DPP10: variants seen among roughly 807,000 people sequenced by gnomAD.
DPP10 encodes the protein dipeptidyl peptidase like 10, also known as inactive dipeptidyl peptidase 10.
Under a neutral mutation model 120.9 loss-of-function variants are expected in DPP10, and 33 were observed. That is an observed-to-expected ratio of 0.27 (90% CI 0.21 to 0.37). DPP10 has a LOEUF of 0.37. DPP10 is among the 10% of genes least tolerant of loss of function. The probability of loss-of-function intolerance (pLI) is 1.00; values close to 1 mark genes in which losing one functional copy is unlikely to be tolerated. For synonymous variants in DPP10, 337 were observed against 326.1 expected, an observed-to-expected ratio of 1.03 and a Z score of -0.36; for missense variants, 816 against 942.8, an observed-to-expected ratio of 0.87 and a Z score of 1.76.
At chr2:114,882,666 C>T (rs1012241561) in intron 1 of DPP10, among the ~76,000 whole-genome samples, 1 of 151,812 alleles carries the variant, frequency 6.6e-6, no homozygotes, top group Admixed American at 6.6e-5. Flanking sequence ...ACCCCTGTAC[C>T]CCAAAAACAA....
chr2:114,588,389 T>G (rs1385328217), intron 1 of DPP10, among the ~76,000 whole-genome samples: 1 of 152,228 alleles, frequency 6.6e-6, no homozygotes, highest in Non-Finnish European at 1.5e-5. Context: ...TTTATTGGCA[T>G]AAGGAGAGGC....
At chr2:115,706,991 G>T (rs761582750) in intron 7 of DPP10, among the ~76,000 whole-genome samples, 1 of 151,836 alleles carries the variant, frequency 6.6e-6, no homozygotes. Flanking sequence ...AATAAAAAAA[G>T]ACAGTACAAT....
At chr2:115,415,349 A>G (rs114308431) in intron 3 of DPP10, among the ~76,000 whole-genome samples, 1,756 of 152,298 alleles carry the variant, frequency 0.012, 35 homozygotes, top group African/African-American at 0.041. Flanking sequence ...CAGACCAGAC[A>G]TTTCCACTCA....
intron 1 of DPP10, among the ~76,000 whole-genome samples, chr2:114,494,852 T>A (rs1453157968): frequency 6.6e-6 from 1 of 152,154 alleles, no homozygotes; most frequent in Non-Finnish European, 1.5e-5. Context: ...AGTGATAGAA[T>A]GGGCCAGGGT....
At chr2:115,719,314 G>A (rs926752504) in intron 7 of DPP10, among the ~76,000 whole-genome samples, 1 of 152,276 alleles carries the variant, frequency 6.6e-6, no homozygotes, top group African/African-American at 2.4e-5. Flanking sequence ...TGCTGCAAAG[G>A]TTTTAAGAAA....
intron 1 of DPP10, among the ~76,000 whole-genome samples, chr2:114,822,492 C>A (rs948661982): frequency 6.6e-6 from 1 of 152,142 alleles, no homozygotes; most frequent in African/African-American, 2.4e-5. Flanking sequence ...TCCCCGTTGT[C>A]TTGGTGATTA....
intron 1 of DPP10, among the ~76,000 whole-genome samples, chr2:114,864,921 A>G (rs1045639866): frequency 1.3e-5 from 2 of 152,196 alleles, no homozygotes; most frequent in Admixed American, 1.3e-4. Flanking sequence ...AATCCTAATA[A>G]TAACGTAAAA....
intron 3 of DPP10, among the ~76,000 whole-genome samples, chr2:115,389,591 A>G (rs138871141): frequency 1.3e-5 from 2 of 152,274 alleles, no homozygotes; most frequent in African/African-American, 4.8e-5. Context: ...TATGAAGTCA[A>G]GTGTGTTTGT....
At chr2:114,809,288 A>T (rs1165352042) in intron 1 of DPP10, among the ~76,000 whole-genome samples, 2 of 152,158 alleles carry the variant, frequency 1.3e-5, no homozygotes, top group African/African-American at 2.4e-5. Flanking sequence ...ACTCCTCTGT[A>T]AGAAGGCCAT....
At chr2:114,892,505 T>C (rs2106633800) in intron 1 of DPP10, among the ~76,000 whole-genome samples, 1 of 152,280 alleles carries the variant, frequency 6.6e-6, no homozygotes, top group East Asian at 1.9e-4. Flanking sequence ...GCTTGTTATC[T>C]CCCAACTGAA....
In DPP10 at chr2:114,591,554, A is replaced by ATT. The variant is rs70937292; in HGVS notation, c.60+148733_60+148734dup. On this transcript the variant is annotated intron_variant, in intron 1 of 25. Coordinates refer to ENST00000410059, the MANE Select transcript of DPP10 (RefSeq NM_020868.6). ...CTCAGAATGTACCCAACCTCTTCCT[A>ATT]TTTTTTTTTTTTTTTTTTGAGATGG... Among the ~76,000 whole-genome samples, 63 of 124,556 alleles carry ATT rather than the reference A, an allele frequency of 5.1e-4. 1 individual carries two copies. Among genetic ancestry groups the ATT allele is most frequent in the African/African-American group, 1.5e-3 (47 of 31,660 alleles). The allele number at this position is 124,556 out of a possible 152,430, so 81.7% of individuals were successfully genotyped here.
intron 7 of DPP10, among the ~76,000 whole-genome samples, chr2:115,716,975 AT>A (rs1217010648): frequency 6.6e-6 from 1 of 152,248 alleles, no homozygotes; most frequent in Non-Finnish European, 1.5e-5. Context: ...TGTTATAAGA[AT>A]TTTGGAATCC....
At chr2:114,760,739 A>G (rs1680208372) in intron 1 of DPP10, among the ~76,000 whole-genome samples, 1 of 152,098 alleles carries the variant, frequency 6.6e-6, no homozygotes, top group East Asian at 1.9e-4. Context: ...TCTAGACAGA[A>G]GAAATTTTAT....
rs565945915 is a variant in DPP10, at chr2:115,442,584, CAT to C, written c.272-56923_272-56922del. 7.2e-5 allele frequency among the ~76,000 whole-genome samples: 11 copies of C among 152,128 alleles called. No homozygotes were observed. The East Asian group carries it at 2.1e-3, about 29-fold the overall frequency. On this transcript the variant is annotated intron_variant, in intron 3 of 25. Transcript: ENST00000410059. Reference sequence around the variant, plus strand: ...ATTTTTCTGGTTGTTTGCCTGTGAGCATATTACAAAGGAAAGACAGTCGAACA... The same window carrying C: ...ATTTTTCTGGTTGTTTGCCTGTGAGCATTACAAAGGAAAGACAGTCGAACA...
At chr2:115,565,900 C>G (rs992740852) in intron 5 of DPP10, among the ~76,000 whole-genome samples, 3 of 151,870 alleles carry the variant, frequency 2.0e-5, no homozygotes, top group African/African-American at 7.2e-5. Context: ...ATTCTCCTGC[C>G]TCAGCCTCCC....
chr2:115,078,323 C>T (rs4848377), intron 1 of DPP10, among the ~76,000 whole-genome samples: 70,940 of 151,940 alleles, frequency 0.47, 16,789 homozygotes, highest in South Asian at 0.58. Context: ...AAATAAGCAG[C>T]AAAAGAAAAT....
chr2:115,720,054 C>A (rs2092606104), intron 7 of DPP10, among the ~76,000 whole-genome samples: 1 of 152,076 alleles, frequency 6.6e-6, no homozygotes, highest in African/African-American at 2.4e-5. Flanking sequence ...TAGGTATATA[C>A]CTTAGAGTGG....
intron 1 of DPP10, among the ~76,000 whole-genome samples, chr2:114,635,593 C>A (rs1296467490): frequency 6.6e-6 from 1 of 151,816 alleles, no homozygotes; most frequent in East Asian, 1.9e-4. Flanking sequence ...GCCTTGGCCC[C>A]TGCCTTAGAG....
At chr2:115,330,590 C>T (rs1442705426) in intron 2 of DPP10, among the ~76,000 whole-genome samples, 2 of 152,016 alleles carry the variant, frequency 1.3e-5, no homozygotes, top group Admixed American at 6.6e-5. Flanking sequence ...AGTCTTTAAT[C>T]CATCTTGAAT....
Sources: allele counts gnomAD v4.1 joint callset (sites outside exome capture counted in the v4.1 genomes callset), GRCh38; gene constraint gnomAD v4.1.1; transcripts MANE v1.5; gene names NCBI Gene and HGNC (gene_info 2026-07-23, HGNC 2026-07-21).